DPYD: variants seen among roughly 807,000 people sequenced by gnomAD.
DPYD encodes dihydropyrimidine dehydrogenase.
Under a neutral mutation model 116.2 loss-of-function variants are expected in DPYD, and 109 were observed. The ratio of observed to expected loss-of-function variants is 0.94; its 90% CI spans 0.80 to 1.10. The LOEUF (loss-of-function observed/expected upper bound fraction) is 1.10, where lower values mean the gene tolerates loss of function less well. Among genes scored for constraint, DPYD ranks in the 50% least tolerant of loss-of-function variants. The pLI is 0.00. For missense variants in DPYD, 1,302 were observed against 1,254.5 expected, an observed-to-expected ratio of 1.04 and a Z score of -0.57; for synonymous variants, 440 against 432.0, an observed-to-expected ratio of 1.02 and a Z score of -0.23.
intron 14 of DPYD, among the ~76,000 whole-genome samples, chr1:97,385,027 G>T (rs1009255564): frequency 6.6e-6 from 1 of 151,954 alleles, no homozygotes; most frequent in African/African-American, 2.4e-5. Flanking sequence ...AAGAATGCTT[G>T]TTCCATGGCC....
intron 8 of DPYD, among the ~76,000 whole-genome samples, chr1:97,609,273 G>A (rs1378236046): frequency 4.0e-5 from 6 of 151,782 alleles, no homozygotes; most frequent in African/African-American, 7.3e-5. Context: ...GGCCACTACC[G>A]GCAATGAAGT....
intron 3 of DPYD, among the ~76,000 whole-genome samples, chr1:97,823,123 A>C (rs1473884229): frequency 6.6e-6 from 1 of 151,906 alleles, no homozygotes; most frequent in Non-Finnish European, 1.5e-5. Context: ...TACCTCAAAC[A>C]CTTGTCTTTT....
chr1:97,906,985 A>C (rs1326111507), intron 1 of DPYD, among the ~76,000 whole-genome samples: 1 of 152,076 alleles, frequency 6.6e-6, no homozygotes, highest in Non-Finnish European at 1.5e-5. Flanking sequence ...CTTGAATACA[A>C]AGGACTCCAA....
chr1:97,574,446 G>C (rs1297956119), intron 10 of DPYD, among the ~76,000 whole-genome samples: 1 of 152,050 alleles, frequency 6.6e-6, no homozygotes, highest in East Asian at 1.9e-4. Flanking sequence ...GTAGGTAGGA[G>C]AAAAAGACTA....
intron 1 of DPYD, among the ~76,000 whole-genome samples, chr1:97,902,124 A>G (rs1673398798): frequency 6.6e-6 from 1 of 151,722 alleles, no homozygotes; most frequent in African/African-American, 2.4e-5. Context: ...GCATAAATAT[A>G]GAGACTTGCA....
chr1:97,433,490 A>T (rs1675294659), intron 14 of DPYD, among the ~76,000 whole-genome samples: 1 of 152,148 alleles, frequency 6.6e-6, no homozygotes, highest in Non-Finnish European at 1.5e-5. Flanking sequence ...TCTGAAATTT[A>T]GTTCATTTAA....
At chr1:97,084,066 C>G (rs1649340295) in intron 21 of DPYD, among the ~76,000 whole-genome samples, 1 of 152,054 alleles carries the variant, frequency 6.6e-6, no homozygotes, top group African/African-American at 2.4e-5. Flanking sequence ...GGCAATGCTG[C>G]CACCTTAATC....
intron 11 of DPYD, among the ~76,000 whole-genome samples, chr1:97,550,620 T>C (rs1020171583): frequency 6.6e-6 from 1 of 152,142 alleles, no homozygotes; most frequent in Non-Finnish European, 1.5e-5. Flanking sequence ...AGTAAGCCAG[T>C]GTTTAGGATA....
chr1:97,709,614 T>C (rs75818154), intron 5 of DPYD, among the ~76,000 whole-genome samples: 4,315 of 151,814 alleles, frequency 0.028, 74 homozygotes, highest in African/African-American at 0.055. Flanking sequence ...AGAGATTATA[T>C]TGATATTTAA....
chr1:97,234,824 A>C (rs772031945), intron 19 of DPYD, 28 bp downstream of exon 19: 17 of 1,612,960 alleles, frequency 1.1e-5, no homozygotes, highest in Non-Finnish European at 1.4e-5. Flanking sequence ...GGAGATTTTT[A>C]AAAGGGACAG....
At chr1:97,440,370 A>G (rs1675709461) in intron 14 of DPYD, among the ~76,000 whole-genome samples, 1 of 151,334 alleles carries the variant, frequency 6.6e-6, no homozygotes, top group Non-Finnish European at 1.5e-5. Context: ...TTTAACTCTT[A>G]TCATCTATAT....
At chr1:97,693,676 G>A (rs942131956) in intron 6 of DPYD, among the ~76,000 whole-genome samples, 2 of 152,060 alleles carry the variant, frequency 1.3e-5, no homozygotes, top group African/African-American at 4.8e-5. Flanking sequence ...TCCTCAAAAG[G>A]TTGAACAGGA....
chr1:97,507,746 T>C (rs915824872), intron 13 of DPYD, among the ~76,000 whole-genome samples: 1 of 152,052 alleles, frequency 6.6e-6, no homozygotes, highest in African/African-American at 2.4e-5. Flanking sequence ...TGCTGGCAAT[T>C]TGTGCAATTT....
intron 3 of DPYD, among the ~76,000 whole-genome samples, chr1:97,762,422 G>T (rs940492989): frequency 2.0e-5 from 3 of 152,222 alleles, no homozygotes; most frequent in East Asian, 1.9e-4. Context: ...TCAGTATAAG[G>T]AATGAGTAGC....
At chr1:97,161,198 T>C (rs754003851) in intron 20 of DPYD, among the ~76,000 whole-genome samples, 2 of 152,146 alleles carry the variant, frequency 1.3e-5, no homozygotes, top group Non-Finnish European at 2.9e-5. Flanking sequence ...TCTTCAAGGA[T>C]TTTTCCCTTA....
At chr1:97,546,630 G>C in intron 12 of DPYD, 1 of 1,612,688 alleles carries the variant, frequency 6.2e-7, no homozygotes, top group Non-Finnish European at 8.5e-7. Flanking sequence ...AACAAGAATG[G>C]TGGTGGCTTT....
chr1:97,196,364 C>G (rs534884857), intron 19 of DPYD, among the ~76,000 whole-genome samples: 1 of 152,146 alleles, frequency 6.6e-6, no homozygotes, highest in Non-Finnish European at 1.5e-5. Context: ...AATCCGCCCA[C>G]CTGGCCTCCC....
chr1:97,354,434 A>C (rs1302401798), intron 16 of DPYD, among the ~76,000 whole-genome samples: 1 of 152,208 alleles, frequency 6.6e-6, no homozygotes, highest in Non-Finnish European at 1.5e-5. Flanking sequence ...TCTTAAACAA[A>C]ATGATTTTTG....
intron 1 of DPYD, among the ~76,000 whole-genome samples, chr1:97,912,112 C>T (rs1483330038): frequency 3.3e-5 from 5 of 152,066 alleles, no homozygotes; most frequent in African/African-American, 1.2e-4. Flanking sequence ...CATTTTGCTC[C>T]TTCTGTCTTT....
Sources: allele counts gnomAD v4.1 joint callset (sites outside exome capture counted in the v4.1 genomes callset), GRCh38; gene constraint gnomAD v4.1.1; transcripts MANE v1.5; gene names NCBI Gene and HGNC (gene_info 2026-07-23, HGNC 2026-07-21).